FHIT: variants seen among roughly 807,000 people sequenced by gnomAD.
FHIT encodes the protein bis(5'-adenosyl)-triphosphatase.
FHIT carries 19 observed loss-of-function variants against 17.9 expected under a neutral mutation model. The ratio of observed to expected loss-of-function variants is 1.06; its 90% confidence interval spans 0.74 to 1.56. FHIT has a LOEUF of 1.56. Among genes scored for constraint, FHIT ranks in the 40% most tolerant of loss-of-function variants. The pLI, the probability that FHIT is intolerant of heterozygous loss-of-function variation, is 0.00. For synonymous variants in FHIT, 81 were observed against 69.7 expected (o/e 1.16, Z -0.81); for missense variants, 248 against 189.2 (o/e 1.31, Z -1.82).
rs115792291 is a variant in FHIT, at chr3:59,872,228, T to C, written c.348+50118A>G. Among the ~76,000 whole-genome samples, 410 of 152,082 alleles carry C rather than the reference T, an allele frequency of 2.7e-3. 3 individuals carry two copies. Among genetic ancestry groups the C allele is most frequent in the African/African-American group, 9.4e-3 (390 of 41,480 alleles). The stretch of plus-strand genomic sequence containing the variant: ...AGGATCTTGGGCTTCATTTTGGGAG[T>C]CACAGTACTAAAACATCACCTCATG... On this transcript the variant is annotated intron_variant, in intron 8 of 9. Transcript: ENST00000492590.
rs535844260 is a variant in FHIT, at chr3:59,869,807, A to G, written c.348+52539T>C. ...GGCGAAGGATACCCATTTTTAAAATACCATTTAATTTAAAGTTACCAGATG... is the reference window on the plus strand; with the variant it reads ...GGCGAAGGATACCCATTTTTAAAATGCCATTTAATTTAAAGTTACCAGATG... On this transcript the variant is annotated intron_variant, in intron 8 of 9. Coordinates refer to ENST00000492590, the MANE Select transcript of FHIT (RefSeq NM_002012.4). Among the ~76,000 whole-genome samples the G allele has an allele frequency of 1.2e-4, 19 of 152,054 alleles. No individual in the cohort carries two copies. In the South Asian group the frequency reaches 1.5e-3, roughly 12 times the overall value.
intron 5 of FHIT, among the ~76,000 whole-genome samples, chr3:60,274,793 A>G (rs189839785): frequency 7.5e-4 from 114 of 152,298 alleles, no homozygotes; most frequent in Non-Finnish European, 1.3e-3. Context: ...GACAGTAGGT[A>G]TGGCCCAGAC....
chr3:60,070,350 C>A (rs558650863), intron 5 of FHIT, among the ~76,000 whole-genome samples: 24 of 152,298 alleles, frequency 1.6e-4, no homozygotes, highest in African/African-American at 5.8e-4. Flanking sequence ...ATTGCTGGTG[C>A]CCAATAAGGA....
At chr3:60,486,893 A>C (rs967905566) in intron 5 of FHIT, among the ~76,000 whole-genome samples, 1 of 152,156 alleles carries the variant, frequency 6.6e-6, no homozygotes, top group Non-Finnish European at 1.5e-5. Context: ...CTCTAAAAGA[A>C]ACATTACAAA....
chr3:60,653,345 T>G (rs1179336132), intron 4 of FHIT, among the ~76,000 whole-genome samples: 1 of 152,014 alleles, frequency 6.6e-6, no homozygotes, highest in Non-Finnish European at 1.5e-5. Flanking sequence ...ATTTTATAAA[T>G]GCGTAAGTAA....
At chr3:61,164,470 T>C (rs2165041) in intron 2 of FHIT, among the ~76,000 whole-genome samples, 2,925 of 152,242 alleles carry the variant, frequency 0.019, 91 homozygotes, top group African/African-American at 0.066. Flanking sequence ...CTCATTGGCA[T>C]AGAACAAAGA....
At chr3:60,751,316 G>A (rs1362302266) in intron 4 of FHIT, among the ~76,000 whole-genome samples, 3 of 152,226 alleles carry the variant, frequency 2.0e-5, no homozygotes, top group Admixed American at 2.0e-4. Context: ...CTTAGAGTGA[G>A]ACAGCACCAA....
intron 5 of FHIT, among the ~76,000 whole-genome samples, chr3:60,489,055 G>T (rs1028759875): frequency 4.6e-5 from 7 of 152,098 alleles, no homozygotes; most frequent in African/African-American, 1.7e-4. Context: ...TTCCAAGAGA[G>T]ACCATGAGCA....
At chr3:60,460,121 T>C (rs2032365472) in intron 5 of FHIT, among the ~76,000 whole-genome samples, 1 of 151,476 alleles carries the variant, frequency 6.6e-6, no homozygotes, top group South Asian at 2.1e-4. Flanking sequence ...TCAAAAAATC[T>C]GAAATTAAGA....
At chr3:59,808,159 T>C (rs2107025486) in intron 8 of FHIT, among the ~76,000 whole-genome samples, 1 of 152,296 alleles carries the variant, frequency 6.6e-6, no homozygotes. Context: ...TTATGGATAT[T>C]TCATAGAAAT....
In FHIT at chr3:60,359,526, G is replaced by A. The variant is rs1425139229; in HGVS notation, c.103+177334C>T. Among the ~76,000 whole-genome samples the A allele has an allele frequency of 7.2e-5, 11 of 151,982 alleles. 1 individual carries two copies. Among genetic ancestry groups the A allele is most frequent in the South Asian group, 2.1e-4 (1 of 4,824 alleles). On this transcript the variant is annotated intron_variant, in intron 5 of 9. Coordinates refer to ENST00000492590, the MANE Select transcript of FHIT (RefSeq NM_002012.4). ...AATCTCTTGACCTCGTGATCCACCC[G>A]CCTTGGCCGCCCAAAGTGCTGGGAT...
intron 5 of FHIT, among the ~76,000 whole-genome samples, chr3:60,176,783 G>GAGCTGCGTCC (rs1701692334): frequency 6.6e-6 from 1 of 152,206 alleles, no homozygotes; most frequent in Admixed American, 6.5e-5. Flanking sequence ...TTAATGAAAA[G>GAGCTGCGTCC]AGCTGCGTCA....
chr3:60,293,516 T>A (rs995717418), intron 5 of FHIT, among the ~76,000 whole-genome samples: 3 of 152,162 alleles, frequency 2.0e-5, no homozygotes, highest in Admixed American at 1.3e-4. Flanking sequence ...TCATGTCACT[T>A]AATGGGGAAG....
chr3:60,622,599 C>T (rs1553679208), intron 4 of FHIT, among the ~76,000 whole-genome samples: 1 of 152,122 alleles, frequency 6.6e-6, no homozygotes, highest in Non-Finnish European at 1.5e-5. Context: ...CAAATAAATC[C>T]AATGTCAACA....
intron 5 of FHIT, chr3:60,536,653 T>A (rs555284805): frequency 1.5e-5 from 7 of 465,794 alleles, no homozygotes; most frequent in Non-Finnish European, 2.5e-5. Flanking sequence ...TTCTGCAACA[T>A]TGATCAAGCA....
intron 5 of FHIT, among the ~76,000 whole-genome samples, chr3:60,471,061 A>G (rs1005408508): frequency 2.0e-5 from 3 of 152,192 alleles, no homozygotes; most frequent in African/African-American, 4.8e-5. Context: ...CTGGTGCCCT[A>G]TGCTACTATG....
intron 4 of FHIT, among the ~76,000 whole-genome samples, chr3:60,771,674 T>C (rs1216429700): frequency 1.3e-5 from 2 of 152,176 alleles, no homozygotes; most frequent in African/African-American, 2.4e-5. Context: ...AAAAAGCACA[T>C]TTATTGATGC....
chr3:60,532,215 G>A (rs1407074932), intron 5 of FHIT, among the ~76,000 whole-genome samples: 3 of 152,180 alleles, frequency 2.0e-5, no homozygotes, highest in East Asian at 3.8e-4. Flanking sequence ...AAATGTTGCT[G>A]TGTCTCCCTC....
At chr3:59,792,634 G>A (rs1312144257) in intron 8 of FHIT, among the ~76,000 whole-genome samples, 2 of 152,162 alleles carry the variant, frequency 1.3e-5, no homozygotes. Context: ...AATTACAGAT[G>A]TTAAATGCTT....
Sources: gnomAD v4.1 joint callset for allele counts (sites outside exome capture counted in the v4.1 genomes callset) on GRCh38, gnomAD v4.1.1 for gene constraint, MANE v1.5 for transcripts, NCBI Gene and HGNC (gene_info 2026-07-23, HGNC 2026-07-21) for gene names.